Variants in ADAM22 observed in about 807,000 individuals in gnomAD.
The protein encoded by ADAM22 is ADAM metallopeptidase domain 22.
In ADAM22, 65 loss-of-function variants were observed where a neutral mutation model predicts 144.6. The ratio of observed to expected loss-of-function variants is 0.45; its 90% CI spans 0.37 to 0.55. The LOEUF is 0.55. Among genes scored for constraint, ADAM22 ranks in the 20% least tolerant of loss-of-function variants. The pLI is 0.00. For synonymous variants in ADAM22, 391 were observed against 412.6 expected, an observed-to-expected ratio of 0.95 and a Z score of 0.63; for missense variants, 974 against 1,184.9, an observed-to-expected ratio of 0.82 and a Z score of 2.61.
At position 87,934,993 on chromosome 7, in the gene ADAM22, T is replaced by C. The variant is rs539822614; in HGVS notation, c.86-33T>C. On this transcript the variant is annotated intron_variant, in intron 1 of 31. Transcript: ENST00000413139. ...AGGGTCATTATTTTCGCCTTTTCTC[T>C]CCACTCCCTCCTTTCCCGGTTCCTG... 41 of 1,613,954 alleles carry C rather than the reference T, an allele frequency of 2.5e-5. No individual in the cohort carries two copies. The African/African-American group carries it at 4.5e-4, about 18-fold the overall frequency.
intron 3 of ADAM22, among the ~76,000 whole-genome samples, chr7:88,020,203 G>A (rs1585057367): frequency 1.3e-5 from 2 of 152,278 alleles, no homozygotes; most frequent in East Asian, 3.9e-4. Flanking sequence ...ACAAATATGT[G>A]TTCTCTAACT....
chr7:87,943,696 G>T (rs1229652268), intron 2 of ADAM22, among the ~76,000 whole-genome samples: 1 of 152,016 alleles, frequency 6.6e-6, no homozygotes, highest in Non-Finnish European at 1.5e-5. Flanking sequence ...TGAAAATTTT[G>T]TACCATGATC....
intron 3 of ADAM22, among the ~76,000 whole-genome samples, chr7:87,987,524 AG>A (rs1788767480): frequency 6.6e-6 from 1 of 152,196 alleles, no homozygotes. Context: ...TAGCAGTGAT[AG>A]TGGTACAGCC....
chr7:88,063,890 A>C (rs952464705), intron 3 of ADAM22, among the ~76,000 whole-genome samples: 6 of 152,244 alleles, frequency 3.9e-5, no homozygotes, highest in Non-Finnish European at 4.4e-5. Flanking sequence ...TATATGTGCA[A>C]GATTTAAAAT....
intron 2 of ADAM22, among the ~76,000 whole-genome samples, chr7:87,946,052 G>T (rs900291361): frequency 5.3e-5 from 8 of 151,026 alleles, no homozygotes; most frequent in Admixed American, 4.6e-4. Context: ...CTGTTTTTTT[G>T]ACTTTTTAAT....
intron 3 of ADAM22, among the ~76,000 whole-genome samples, chr7:87,990,790 G>A (rs1419892300): frequency 1.3e-5 from 2 of 152,044 alleles, no homozygotes; most frequent in Non-Finnish European, 2.9e-5. Flanking sequence ...AGTCTCCCGA[G>A]TAGCTGGGAT....
intron 25 of ADAM22, 72 bp from the exon 26 acceptor site, chr7:88,171,472 T>C: frequency 7.4e-7 from 1 of 1,352,546 alleles, no homozygotes; most frequent in Admixed American, 2.2e-5. Flanking sequence ...TGTTTAGAGC[T>C]CCCTCTTGAT....
At chr7:88,181,895 G>A (rs2240469) in intron 28 of ADAM22, 63 bp from the exon 29 acceptor site, 27,538 of 1,455,378 alleles carry the variant, frequency 0.019, 405 homozygotes, top group East Asian at 0.065. Context: ...GAAATGCCTC[G>A]TAATTAGACA....
At position 87,974,044 on chromosome 7, in the gene ADAM22, A is replaced by C. The variant is rs539038880; in HGVS notation, c.247-4292A>C. Among the ~76,000 whole-genome samples the C allele has an allele frequency of 1.1e-4, 16 of 152,086 alleles. No homozygotes were observed. In the East Asian group the frequency reaches 3.1e-3, roughly 29 times the overall value. On this transcript the variant is annotated intron_variant, in intron 2 of 31. Transcript: ENST00000413139. Reference sequence around the variant, plus strand: ...ATGGCACATGTATACATATGTAACAAAGCTGCACGTTGTGCACATGTACCC... The same window carrying C: ...ATGGCACATGTATACATATGTAACACAGCTGCACGTTGTGCACATGTACCC...
intron 2 of ADAM22, among the ~76,000 whole-genome samples, chr7:87,972,571 T>A (rs1850729018): frequency 6.6e-6 from 1 of 152,198 alleles, no homozygotes; most frequent in South Asian, 2.1e-4. Context: ...TTCACAGAAT[T>A]GGGAAAAACT....
chr7:88,167,540 CTT>C lies in ADAM22; in HGVS notation c.2192-593_2192-592del, dbSNP rs1340978009. Among the ~76,000 whole-genome samples, 3 of 152,168 alleles carry C rather than the reference CTT, an allele frequency of 2.0e-5. No individual in the cohort carries two copies. In the East Asian group the frequency reaches 5.8e-4, roughly 29 times the overall value. Reference sequence around the variant, plus strand: ...CTCCAATCCTCCAGCTCACTCAACTCTTTTTCCTCTGGGGTTTCCTTCTCTAG... The same window carrying C: ...CTCCAATCCTCCAGCTCACTCAACTCTTTCCTCTGGGGTTTCCTTCTCTAG... On this transcript the variant is annotated intron_variant, in intron 24 of 31. Transcript: ENST00000413139.
chr7:87,980,014 T>C (rs140456714), intron 3 of ADAM22, among the ~76,000 whole-genome samples: 96 of 152,308 alleles, frequency 6.3e-4, no homozygotes, highest in African/African-American at 2.1e-3. Context: ...TGTTTATTCA[T>C]GTCCATTCTG....
At chr7:87,971,926 C>T (rs1486956535) in intron 2 of ADAM22, among the ~76,000 whole-genome samples, 2 of 152,182 alleles carry the variant, frequency 1.3e-5, no homozygotes, top group African/African-American at 4.8e-5. Flanking sequence ...TGCGGTGGCT[C>T]ATGCCTGTAA....
At chr7:88,188,349 G>T (rs1453196813) in intron 30 of ADAM22, among the ~76,000 whole-genome samples, 3 of 152,238 alleles carry the variant, frequency 2.0e-5, no homozygotes, top group East Asian at 3.9e-4. Context: ...ACCCAGGTCT[G>T]CCCAGAAGCT....
chr7:88,063,014 A>C (rs1810298671), intron 3 of ADAM22, among the ~76,000 whole-genome samples: 1 of 152,196 alleles, frequency 6.6e-6, no homozygotes, highest in Admixed American at 6.6e-5. Context: ...ATAACAGGTA[A>C]ATTAATGAAA....
At chr7:88,152,475 G>A (rs981919153) in intron 20 of ADAM22, among the ~76,000 whole-genome samples, 1 of 152,126 alleles carries the variant, frequency 6.6e-6, no homozygotes, top group African/African-American at 2.4e-5. Flanking sequence ...GCTAAGAAGT[G>A]GGGAGCAAGG....
At chr7:88,008,692 T>C (rs573381927) in intron 3 of ADAM22, among the ~76,000 whole-genome samples, 2 of 151,690 alleles carry the variant, frequency 1.3e-5, no homozygotes, top group East Asian at 3.9e-4. Flanking sequence ...TAGATGGGAA[T>C]TGAACAATGA....
In ADAM22 at chr7:88,080,675, G is replaced by A. The variant is rs191126641; in HGVS notation, c.390+4983G>A. On this transcript the variant is annotated intron_variant, in intron 4 of 31. Coordinates refer to ENST00000413139, the MANE Select transcript of ADAM22 (RefSeq NM_001324418.2). ...AAATGACAAAGGTGATATCTCCACC[G>A]ATCCCACAGAAATACAAACTACCAT... is the stretch of plus-strand genomic sequence containing the variant. Among the ~76,000 whole-genome samples, 116 of 152,140 alleles carry A rather than the reference G, an allele frequency of 7.6e-4. 1 individual carries two copies. The East Asian group carries it at 0.015, about 20-fold the overall frequency.
At chr7:88,003,369 A>G (rs1227765705) in intron 3 of ADAM22, among the ~76,000 whole-genome samples, 2 of 152,238 alleles carry the variant, frequency 1.3e-5, no homozygotes, top group Admixed American at 1.3e-4. Flanking sequence ...AGGGTTCTAC[A>G]ATTGCTTAAT....
Sources: allele counts gnomAD v4.1 joint callset (sites outside exome capture counted in the v4.1 genomes callset), GRCh38; gene constraint gnomAD v4.1.1; transcripts MANE v1.5; gene names NCBI Gene and HGNC (gene_info 2026-07-23, HGNC 2026-07-21).